GFRA1: variants seen among roughly 807,000 people sequenced by gnomAD.
GFRA1 encodes GDNF family receptor alpha 1, also known as GDNF family receptor alpha-1.
GFRA1 carries 16 observed loss-of-function variants against 51.6 expected under a neutral mutation model. That is an observed-to-expected ratio of 0.31 (90% confidence interval 0.21 to 0.47). The LOEUF (loss-of-function observed/expected upper bound fraction) is 0.47, where lower values mean the gene tolerates loss of function less well. Ranked by LOEUF, GFRA1 falls within the 20% of genes least tolerant of loss-of-function variation. GFRA1 has a pLI of 1.00. For synonymous variants in GFRA1, 270 were observed against 241.3 expected (o/e 1.12, Z -1.10); for missense variants, 530 against 594.3 (o/e 0.89, Z 1.13).
chr10:116,166,925 G>A lies in GFRA1; in HGVS notation c.434-41368C>T, dbSNP rs541100146. On this transcript the variant is annotated intron_variant, in intron 5 of 10. Transcript: ENST00000355422. ...CGCCATTCTCCTGCCTCAGCCTCCC[G>A]AGTAGCTGGGACTACAGGCGCCCGC... is the stretch of plus-strand genomic sequence containing the variant. Among the ~76,000 whole-genome samples, 16 of 149,906 alleles carry A rather than the reference G, an allele frequency of 1.1e-4. No individual in the cohort carries two copies. In the East Asian group the frequency reaches 2.2e-3, roughly 21 times the overall value.
At chr10:116,188,095 A>T (rs972003219) in intron 5 of GFRA1, among the ~76,000 whole-genome samples, 1 of 152,162 alleles carries the variant, frequency 6.6e-6, no homozygotes, top group Non-Finnish European at 1.5e-5. Context: ...GGACAGAGGA[A>T]ATGAAAGGGA....
chr10:116,082,628 G>A (rs560154305), intron 9 of GFRA1, among the ~76,000 whole-genome samples: 3 of 152,090 alleles, frequency 2.0e-5, no homozygotes, highest in Non-Finnish European at 4.4e-5. Context: ...TTACAGGCAT[G>A]TGCCACCATG....
chr10:116,233,987 G>A (rs72837822), intron 4 of GFRA1, among the ~76,000 whole-genome samples: 4,091 of 152,234 alleles, frequency 0.027, 84 homozygotes, highest in Non-Finnish European at 0.043. Flanking sequence ...TTTGGATATG[G>A]TTCCTTTTTT....
chr10:116,112,879 A>C (rs1033955611), intron 6 of GFRA1, among the ~76,000 whole-genome samples: 13 of 152,190 alleles, frequency 8.5e-5, no homozygotes, highest in Non-Finnish European at 5.9e-5. Flanking sequence ...ACTGTGGCTA[A>C]ACGAGCTGGG....
At chr10:116,129,648 T>C (rs1251818151) in intron 5 of GFRA1, among the ~76,000 whole-genome samples, 3 of 152,096 alleles carry the variant, frequency 2.0e-5, no homozygotes, top group Non-Finnish European at 4.4e-5. Context: ...GGATGTCCTA[T>C]ACATCTCTAA....
intron 5 of GFRA1, among the ~76,000 whole-genome samples, chr10:116,131,964 T>C (rs1958123380): frequency 6.6e-6 from 1 of 150,430 alleles, no homozygotes; most frequent in Non-Finnish European, 1.5e-5. Flanking sequence ...CCCAGCACTT[T>C]GGGAGGCTGA....
Position 116,089,770 on chromosome 10 carries a change from G to A in GFRA1, c.1168C>T (p.His390Tyr). 2 of 1,614,114 alleles carry A rather than the reference G, an allele frequency of 1.2e-6. No individual in the cohort carries two copies. Among genetic ancestry groups the A allele is most frequent in the African/African-American group, 1.3e-5 (1 of 75,022 alleles). ...AAATTTGCACACGGTGGCAAAACAT[G>A]AGTGGGAATTTCATTCTCAGACCCT... Reference protein sequence around the residue: ...PAGSENEIPTHVLPPCANLQA... With the variant: ...PAGSENEIPTYVLPPCANLQA... Residue 390 changes from histidine (H) to tyrosine (Y), a missense_variant, in exon 9 of 11, where the codon CAT (histidine) becomes TAT (tyrosine). By Grantham distance (83) the His-to-Tyr change is moderately conservative (BLOSUM62 2). Coordinates refer to ENST00000355422, the MANE Select transcript of GFRA1 (RefSeq NM_005264.8).
intron 5 of GFRA1, among the ~76,000 whole-genome samples, chr10:116,149,515 T>C (rs568972865): frequency 6.6e-6 from 1 of 152,220 alleles, no homozygotes; most frequent in Admixed American, 6.5e-5. Flanking sequence ...AGAAGATACA[T>C]TCCCCCCTGT....
chr10:116,143,663 TCTC>T (rs1958671732), intron 5 of GFRA1, among the ~76,000 whole-genome samples: 2 of 150,910 alleles, frequency 1.3e-5, no homozygotes, highest in South Asian at 2.1e-4. Flanking sequence ...TCATTCTCTC[TCTC>T]TCTCTCTCTC....
intron 9 of GFRA1, among the ~76,000 whole-genome samples, chr10:116,074,661 A>T (rs1390814866): frequency 6.6e-6 from 1 of 152,118 alleles, no homozygotes; most frequent in African/African-American, 2.4e-5. Flanking sequence ...AAACTCCCAA[A>T]ATGTCGACTC....
At chr10:116,204,019 G>C (rs1056795724) in intron 5 of GFRA1, among the ~76,000 whole-genome samples, 1 of 152,204 alleles carries the variant, frequency 6.6e-6, no homozygotes, top group African/African-American at 2.4e-5. Flanking sequence ...AAGCAGAAGG[G>C]CATGCAACAA....
intron 5 of GFRA1, among the ~76,000 whole-genome samples, chr10:116,153,171 A>G (rs1342126067): frequency 4.6e-5 from 7 of 152,208 alleles, no homozygotes; most frequent in East Asian, 1.9e-4. Context: ...CCAGTCATCT[A>G]TGAAGTTCTA....
At chr10:116,153,314 C>T (rs940140049) in intron 5 of GFRA1, among the ~76,000 whole-genome samples, 4 of 152,206 alleles carry the variant, frequency 2.6e-5, no homozygotes, top group African/African-American at 9.6e-5. Context: ...ATTTCACCAT[C>T]CTTCCTCCCT....
intron 4 of GFRA1, among the ~76,000 whole-genome samples, chr10:116,226,529 G>A (rs1257302556): frequency 6.6e-6 from 1 of 152,114 alleles, no homozygotes; most frequent in Non-Finnish European, 1.5e-5. Flanking sequence ...ATGGTTCAGA[G>A]GGGCTTTTGC....
At chr10:116,255,827 C>T (rs532510702) in intron 4 of GFRA1, 13 of 1,053,360 alleles carry the variant, frequency 1.2e-5, no homozygotes, top group South Asian at 1.4e-5. Context: ...TCGCAAAAAA[C>T]CTGAGTTACT....
chr10:116,120,145 A>T (rs1298845626), intron 6 of GFRA1, among the ~76,000 whole-genome samples: 2 of 152,240 alleles, frequency 1.3e-5, no homozygotes, highest in Non-Finnish European at 2.9e-5. Flanking sequence ...GACACCAGGA[A>T]GAACAAGTGT....
At chr10:116,114,841 G>C (rs993813477) in intron 6 of GFRA1, among the ~76,000 whole-genome samples, 4 of 152,332 alleles carry the variant, frequency 2.6e-5, no homozygotes, top group African/African-American at 9.6e-5. Context: ...GGGTTAGATG[G>C]CAGGCACATG....
At chr10:116,257,674 A>G (rs1968978685) in intron 4 of GFRA1, among the ~76,000 whole-genome samples, 1 of 152,228 alleles carries the variant, frequency 6.6e-6, no homozygotes, top group African/African-American at 2.4e-5. Context: ...ACACAAAACT[A>G]TATTAAGTTG....
At chr10:116,103,271 C>T (rs1956885721) in intron 6 of GFRA1, among the ~76,000 whole-genome samples, 1 of 152,176 alleles carries the variant, frequency 6.6e-6, no homozygotes, top group East Asian at 1.9e-4. Flanking sequence ...ACACCAGTTG[C>T]CCCCAAAATT....
Sources: allele counts gnomAD v4.1 joint callset (sites outside exome capture counted in the v4.1 genomes callset), GRCh38; gene constraint gnomAD v4.1.1; transcripts MANE v1.5; gene names NCBI Gene and HGNC (gene_info 2026-07-23, HGNC 2026-07-21).